XRN1: variants seen among roughly 807,000 people sequenced by gnomAD.
XRN1 encodes the protein strand-exchange protein 1 homolog.
XRN1 carries 67 observed loss-of-function variants against 222.3 expected under a neutral mutation model. The ratio of observed to expected loss-of-function variants is 0.30; its 90% CI spans 0.25 to 0.37. XRN1 has a LOEUF of 0.37. Among genes scored for constraint, XRN1 ranks in the 10% least tolerant of loss-of-function variants. The pLI is 1.00. For missense variants in XRN1, 1,707 were observed against 2,000.2 expected, an observed-to-expected ratio of 0.85 and a Z score of 2.80; for synonymous variants, 643 against 652.4, an observed-to-expected ratio of 0.99 and a Z score of 0.22.
intron 2 of XRN1, among the ~76,000 whole-genome samples, chr3:142,431,382 A>G (rs957589799): frequency 1.3e-5 from 2 of 152,184 alleles, no homozygotes; most frequent in Non-Finnish European, 2.9e-5. Context: ...TTAGAGCCCC[A>G]GGTGACACCA....
At chr3:142,352,634 T>C (rs1559808086) in intron 32 of XRN1, among the ~76,000 whole-genome samples, 1 of 152,174 alleles carries the variant, frequency 6.6e-6, no homozygotes, top group Non-Finnish European at 1.5e-5. Flanking sequence ...TTTATAAACT[T>C]GAACATTCCT....
intron 11 of XRN1, 25 bp downstream of exon 11, chr3:142,418,790 A>G (rs748568177): frequency 1.2e-6 from 2 of 1,610,728 alleles, no homozygotes; most frequent in Non-Finnish European, 1.7e-6. Context: ...GTAGTAACAT[A>G]TCAAAACACA....
chr3:142,339,246 T>C (rs2065922781), intron 33 of XRN1, among the ~76,000 whole-genome samples: 1 of 152,090 alleles, frequency 6.6e-6, no homozygotes, highest in Admixed American at 6.5e-5. Flanking sequence ...AGATACCCCA[T>C]TTGTTTGGGA....
intron 14 of XRN1, among the ~76,000 whole-genome samples, chr3:142,413,504 A>G (rs2068667221): frequency 6.6e-6 from 1 of 152,194 alleles, no homozygotes; most frequent in Admixed American, 6.5e-5. Context: ...GTCTACTCCA[A>G]TTCCTGACCA....
chr3:142,421,614 T>C, intron 8 of XRN1, 71 bp from the exon 9 acceptor site: 3 of 1,157,278 alleles, frequency 2.6e-6, no homozygotes, highest in Non-Finnish European at 3.7e-6. Flanking sequence ...CAAAACTCTT[T>C]CTACAAAATG....
chr3:142,428,102 A>T (rs1577423170), intron 2 of XRN1, among the ~76,000 whole-genome samples: 2 of 152,128 alleles, frequency 1.3e-5, no homozygotes, highest in Non-Finnish European at 2.9e-5. Flanking sequence ...CAAAAGAGAA[A>T]TTATTCTTGG....
chr3:142,431,943 T>A (rs1284095708), intron 2 of XRN1, among the ~76,000 whole-genome samples: 17 of 97,840 alleles, frequency 1.7e-4, no homozygotes, highest in African/African-American at 6.5e-4. Flanking sequence ...TTGTATATAT[T>A]ATATAATATA....
rs528087567 is a variant in XRN1, at chr3:142,418,952, T to C, written c.1174-71A>G. On this transcript the variant is annotated intron_variant, in intron 10 of 40. Coordinates refer to ENST00000392981, the MANE Select transcript of XRN1 (RefSeq NM_001282857.2). ...AAAATGAGATGTCATTTCTCTTCCA[T>C]GCACCCATTTGCTTTTCTATAGTTC... 8.6e-5 allele frequency: 121 copies of C among 1,409,250 alleles called. 1 individual carries two copies. Among genetic ancestry groups the C allele is most frequent in the Non-Finnish European group, 1.2e-4 (118 of 995,124 alleles). 87.3% of individuals were successfully genotyped at this position (1,409,250 alleles called of 1,614,324 possible). A position where few individuals can be genotyped will look rare whatever the true frequency, so the allele number is the denominator to read the frequency against.
At chr3:142,446,291 A>G (rs1223528095) in intron 1 of XRN1, among the ~76,000 whole-genome samples, 1 of 152,248 alleles carries the variant, frequency 6.6e-6, no homozygotes, top group Non-Finnish European at 1.5e-5. Flanking sequence ...TTAACAGAGA[A>G]GCTGATAACC....
intron 30 of XRN1, among the ~76,000 whole-genome samples, chr3:142,358,195 T>C (rs566376689): frequency 1.5e-3 from 221 of 152,326 alleles, no homozygotes; most frequent in Non-Finnish European, 2.6e-3. Flanking sequence ...CTCATTTGTC[T>C]ATCGGTCAAA....
intron 23 of XRN1, among the ~76,000 whole-genome samples, chr3:142,378,823 C>A (rs2067217608): frequency 6.6e-6 from 1 of 152,098 alleles, no homozygotes; most frequent in Non-Finnish European, 1.5e-5. Context: ...AGGCACACAT[C>A]CTCACATTAT....
chr3:142,315,935 A>C (rs1403151526), intron 39 of XRN1, among the ~76,000 whole-genome samples: 1 of 152,206 alleles, frequency 6.6e-6, no homozygotes, highest in African/African-American at 2.4e-5. Flanking sequence ...TATTAATTTT[A>C]GGCATTTTTA....
rs1577321110 is a variant in XRN1 at position 142,375,848 on chromosome 3, T to C, written c.2928A>G (p.Glu976=). The C allele has an allele frequency of 6.2e-7, 1 of 1,613,984 alleles. No individual in the cohort carries two copies. The highest frequency in any genetic ancestry group is 1.3e-5 in the African/African-American group (1 of 75,040). The change falls in exon 25 of 41, where the codon GAA becomes GAG. Residue 976 remains glutamate, a synonymous_variant. Coordinates refer to ENST00000392981, the MANE Select transcript of XRN1 (RefSeq NM_001282857.2). ...GTTCTGCTGCAGATGAATACATCCATTCACTTCCAACTTTCTTAGTATATC... is the reference window on the plus strand; with the variant it reads ...GTTCTGCTGCAGATGAATACATCCACTCACTTCCAACTTTCTTAGTATATC... ...VPGYTKKVGS[E]WMYSSAAEQL...
Position 142,308,565 on chromosome 3 carries a change from TTAGTC to T in XRN1, c.*2941_*2945del, listed in dbSNP as rs2065015860. On this transcript the variant is annotated 3_prime_UTR_variant, in exon 41 of 41. Coordinates refer to ENST00000392981, the MANE Select transcript of XRN1 (RefSeq NM_001282857.2). ...AACTGAGTCTTAGATGTTTAAGACT[TTAGTC>T]TACATGATGTTTAAATCAATTAATA... 1 of 152,192 alleles carries T rather than the reference TTAGTC, an allele frequency of 6.6e-6. No homozygotes were observed. Among genetic ancestry groups the T allele is most frequent in the Admixed American group, 6.5e-5 (1 of 15,276 alleles). The allele number at this position is 152,192 out of a possible 1,614,324, so 9.4% of individuals were successfully genotyped here.
At chr3:142,379,712 G>A (rs1047795660) in intron 23 of XRN1, among the ~76,000 whole-genome samples, 1 of 152,178 alleles carries the variant, frequency 6.6e-6, no homozygotes, top group Non-Finnish European at 1.5e-5. Flanking sequence ...TACAGCCTTT[G>A]CAGAAAGGCC....
intron 2 of XRN1, among the ~76,000 whole-genome samples, chr3:142,428,097 G>A (rs778354285): frequency 5.9e-5 from 9 of 152,066 alleles, no homozygotes; most frequent in Non-Finnish European, 1.2e-4. Context: ...TATAACAAAA[G>A]AGAAATTATT....
chr3:142,398,048 C>G (rs2067993436), intron 19 of XRN1, among the ~76,000 whole-genome samples: 1 of 151,902 alleles, frequency 6.6e-6, no homozygotes, highest in Admixed American at 6.6e-5. Context: ...TCAAGACCAC[C>G]CTGGCAACAT....
At chr3:142,351,963 A>G (rs2066320777) in intron 32 of XRN1, among the ~76,000 whole-genome samples, 1 of 151,118 alleles carries the variant, frequency 6.6e-6, no homozygotes, top group Non-Finnish European at 1.5e-5. Flanking sequence ...TCTTACCCTT[A>G]TTTCTAACAC....
At chr3:142,344,432 T>C (rs941500366) in intron 33 of XRN1, among the ~76,000 whole-genome samples, 6 of 152,140 alleles carry the variant, frequency 3.9e-5, no homozygotes, top group South Asian at 2.1e-4. Flanking sequence ...TCACCACTTC[T>C]ATTCAGCACT....
Sources: allele counts gnomAD v4.1 joint callset (sites outside exome capture counted in the v4.1 genomes callset), GRCh38; gene constraint gnomAD v4.1.1; transcripts MANE v1.5; gene names NCBI Gene and HGNC (gene_info 2026-07-23, HGNC 2026-07-21).